CAMK4: variants seen among roughly 807,000 people sequenced by gnomAD.
CAMK4 encodes calcium/calmodulin-dependent protein kinase type IV.
In CAMK4, 22 loss-of-function variants were observed where a neutral mutation model predicts 44.9. The ratio of observed to expected loss-of-function variants is 0.49; its 90% confidence interval spans 0.35 to 0.70. The LOEUF (loss-of-function observed/expected upper bound fraction) is 0.70, where lower values mean the gene tolerates loss of function less well. CAMK4 is among the 30% of genes least tolerant of loss of function. The pLI, the probability that CAMK4 is intolerant of heterozygous loss-of-function variation, is 0.01. For synonymous variants in CAMK4, 218 were observed against 215.4 expected (o/e 1.01, Z -0.11); for missense variants, 498 against 586.8 (o/e 0.85, Z 1.56).
chr5:111,392,951 T>C (rs1176195291), intron 4 of CAMK4, among the ~76,000 whole-genome samples: 1 of 152,132 alleles, frequency 6.6e-6, no homozygotes, highest in African/African-American at 2.4e-5. Context: ...TTGAAACGTA[T>C]CAAATATGGT....
intron 5 of CAMK4, among the ~76,000 whole-genome samples, chr5:111,420,034 AG>A (rs933216740): frequency 1.3e-5 from 2 of 151,958 alleles, no homozygotes; most frequent in Admixed American, 6.6e-5. Context: ...TACCTTGGGC[AG>A]TATGGCCATT....
upstream of CAMK4, chr5:111,224,291 C>G (rs1748050129): frequency 2.7e-6 from 2 of 733,116 alleles, no homozygotes; most frequent in African/African-American, 3.8e-5. This position sits in a 1 kb window ranked among gnomAD's most constrained non-coding sequence, Gnocchi z 5.7. Flanking sequence ...CCCCCTCGCG[C>G]CCTCTCGCAG....
chr5:111,273,899 C>T (rs1341067708), intron 1 of CAMK4, among the ~76,000 whole-genome samples: 2 of 151,314 alleles, frequency 1.3e-5, no homozygotes, highest in Non-Finnish European at 2.9e-5. Context: ...TCTGTGTGTC[C>T]TGCAGGCTCT....
chr5:111,237,299 G>C (rs1316953001), intron 1 of CAMK4, among the ~76,000 whole-genome samples: 1 of 152,192 alleles, frequency 6.6e-6, no homozygotes, highest in Non-Finnish European at 1.5e-5. Context: ...GTCACCTTCT[G>C]TGAGGAGATT....
intron 5 of CAMK4, among the ~76,000 whole-genome samples, chr5:111,421,751 T>A (rs890836217): frequency 2.0e-5 from 3 of 152,214 alleles, no homozygotes; most frequent in Non-Finnish European, 4.4e-5. Context: ...TGATGTGGTT[T>A]GGCTGTGTCT....
rs1561521813 is a variant in CAMK4, at chr5:111,489,949, T to G, written c.*5483T>G. On this transcript the variant is annotated 3_prime_UTR_variant, in exon 11 of 11. Coordinates refer to ENST00000282356, the MANE Select transcript of CAMK4 (RefSeq NM_001744.6). ...TGCAGCGTATCTGTGGCCCAGAATT[T>G]TGTTTGATACTCTAAACAGCAATGC... 6.6e-6 allele frequency: 1 copy of G among 152,222 alleles called. No individual in the cohort carries two copies. The highest frequency in any genetic ancestry group is 1.5e-5 in the Non-Finnish European group (1 of 68,042). 9.4% of individuals were successfully genotyped at this position (152,222 alleles called of 1,614,324 possible).
At chr5:111,428,088 G>T (rs1288278539) in intron 5 of CAMK4, among the ~76,000 whole-genome samples, 1 of 152,252 alleles carries the variant, frequency 6.6e-6, no homozygotes, top group Admixed American at 6.5e-5. Flanking sequence ...AAGAGTCTCT[G>T]CCTGGTAATC....
intron 3 of CAMK4, among the ~76,000 whole-genome samples, chr5:111,376,535 T>G (rs1248749653): frequency 6.6e-6 from 1 of 152,152 alleles, no homozygotes; most frequent in Non-Finnish European, 1.5e-5. Flanking sequence ...AGTTGTGTTG[T>G]TTTTGTTTTT....
intron 4 of CAMK4, among the ~76,000 whole-genome samples, chr5:111,388,195 G>T (rs976951274): frequency 1.3e-5 from 2 of 152,134 alleles, no homozygotes; most frequent in Admixed American, 1.3e-4. Flanking sequence ...AAATGAGGTG[G>T]GGAGGCACTT....
chr5:111,482,952 A>ATTTTG lies in CAMK4; in HGVS notation c.981+35_981+39dup, dbSNP rs762169064. 27 of 1,580,980 alleles carry ATTTTG rather than the reference A, an allele frequency of 1.7e-5. No individual in the cohort carries two copies. The highest frequency in any genetic ancestry group is 8.2e-5 in the African/African-American group (6 of 72,788). On this transcript the variant is annotated intron_variant, in intron 10 of 10. Coordinates refer to ENST00000282356, the MANE Select transcript of CAMK4 (RefSeq NM_001744.6). This position sits in a 1 kb window ranked among gnomAD's most constrained non-coding sequence, Gnocchi z 4.9. ...GTAAGCTTAAGGTAAGATAGCATAT[A>ATTTTG]TTTTGTTTTGTTTTGTTTTGTTTTC...
chr5:111,346,264 C>G (rs1179828551), intron 2 of CAMK4, among the ~76,000 whole-genome samples: 1 of 151,764 alleles, frequency 6.6e-6, no homozygotes, highest in Non-Finnish European at 1.5e-5. Flanking sequence ...GGAAAAAAAA[C>G]AAAAGGGTTC....
intron 1 of CAMK4, among the ~76,000 whole-genome samples, chr5:111,317,004 C>G (rs1434106041): frequency 6.6e-6 from 1 of 152,084 alleles, no homozygotes; most frequent in Non-Finnish European, 1.5e-5. Flanking sequence ...CTAGCTGGTT[C>G]AAGCTTCTCT....
intron 4 of CAMK4, among the ~76,000 whole-genome samples, chr5:111,385,356 T>C (rs913977932): frequency 7.2e-5 from 11 of 152,170 alleles, no homozygotes; most frequent in Admixed American, 2.6e-4. Flanking sequence ...CTGACTCTTA[T>C]GTGAGAAATT....
At chr5:111,227,232 A>G (rs1748234120) in intron 1 of CAMK4, among the ~76,000 whole-genome samples, 1 of 152,206 alleles carries the variant, frequency 6.6e-6, no homozygotes, top group African/African-American at 2.4e-5. Flanking sequence ...AATGCAACAG[A>G]ATGATGATCG....
intron 4 of CAMK4, 51 bp from the exon 5 acceptor site, chr5:111,394,659 A>G (rs749425372): frequency 2.7e-5 from 33 of 1,213,106 alleles, no homozygotes; most frequent in Non-Finnish European, 3.6e-5. Flanking sequence ...TTTAATATCC[A>G]TTCTTCTGAA....
chr5:111,292,453 T>A (rs147580811), intron 1 of CAMK4, among the ~76,000 whole-genome samples: 1 of 152,102 alleles, frequency 6.6e-6, no homozygotes, highest in Non-Finnish European at 1.5e-5. Flanking sequence ...GTATATATAG[T>A]GTGTGTGTGA....
chr5:111,426,812 CCTAG>C (rs1753244030), intron 5 of CAMK4, among the ~76,000 whole-genome samples: 1 of 152,174 alleles, frequency 6.6e-6, no homozygotes, highest in South Asian at 2.1e-4. Flanking sequence ...TTAAACCAGT[CCTAG>C]TCAGAGGGAA....
chr5:111,412,841 G>A (rs1181511748), intron 5 of CAMK4, among the ~76,000 whole-genome samples: 1 of 152,058 alleles, frequency 6.6e-6, no homozygotes, highest in African/African-American at 2.4e-5. Flanking sequence ...ATAACCGCAT[G>A]ACCCAGAAGT....
At chr5:111,449,035 A>C (rs1210708997) in intron 6 of CAMK4, 94 bp from the exon 7 acceptor site, 13 of 585,798 alleles carry the variant, frequency 2.2e-5, no homozygotes, top group South Asian at 1.6e-4. Context: ...GAAAGCAAAT[A>C]GATAAATAAG....
Sources: gnomAD v4.1 joint callset for allele counts (sites outside exome capture counted in the v4.1 genomes callset) on GRCh38, gnomAD v4.1.1 for gene constraint, Gnocchi (gnomAD v3.1) non-coding constraint, MANE v1.5 for transcripts, NCBI Gene and HGNC (gene_info 2026-07-23, HGNC 2026-07-21) for gene names.